The following KCNK10 variants were observed in gnomAD, a reference collection of about 807,000 sequenced individuals.
KCNK10 encodes potassium two pore domain channel subfamily K member 10.
Under a neutral mutation model 47.7 loss-of-function variants are expected in KCNK10, and 25 were observed. That is an observed-to-expected ratio of 0.52 (90% confidence interval 0.38 to 0.73). The LOEUF (loss-of-function observed/expected upper bound fraction) is 0.73. KCNK10 is among the 30% of genes least tolerant of loss of function. KCNK10 has a pLI of 0.00. For missense variants in KCNK10, 563 were observed against 714.5 expected, an observed-to-expected ratio of 0.79 and a Z score of 2.42; for synonymous variants, 303 against 285.6, an observed-to-expected ratio of 1.06 and a Z score of -0.61.
intron 1 of KCNK10, among the ~76,000 whole-genome samples, chr14:88,277,005 T>A (rs1887539106): frequency 6.6e-6 from 1 of 152,170 alleles, no homozygotes; most frequent in African/African-American, 2.4e-5. Context: ...GCATCAAAAG[T>A]GGGGTATCAT....
chr14:88,189,170 G>A (rs2139824022), intron 5 of KCNK10, among the ~76,000 whole-genome samples: 1 of 152,302 alleles, frequency 6.6e-6, no homozygotes, highest in East Asian at 1.9e-4. Context: ...AAAGGCAGCT[G>A]GGCAAGAAAT....
At chr14:88,301,574 G>T (rs532300690) in intron 1 of KCNK10, among the ~76,000 whole-genome samples, 1 of 151,214 alleles carries the variant, frequency 6.6e-6, no homozygotes, top group African/African-American at 2.4e-5. Context: ...ATTCTTGGAG[G>T]ACATGACATT....
At chr14:88,302,147 C>T (rs143450430) in intron 1 of KCNK10, among the ~76,000 whole-genome samples, 2 of 152,134 alleles carry the variant, frequency 1.3e-5, no homozygotes, top group Non-Finnish European at 2.9e-5. Context: ...GCAACATGCC[C>T]GTACTTTAAG....
chr14:88,297,336 T>G (rs985080655), intron 1 of KCNK10, among the ~76,000 whole-genome samples: 15 of 152,232 alleles, frequency 9.9e-5, no homozygotes, highest in African/African-American at 3.6e-4. Context: ...TTGTTGCCAC[T>G]AGGTTGGAGA....
At chr14:88,264,201 C>T (rs17124393) in intron 1 of KCNK10, among the ~76,000 whole-genome samples, 3,819 of 152,230 alleles carry the variant, frequency 0.025, 118 homozygotes, top group South Asian at 0.069. Flanking sequence ...TCCTGGTTTT[C>T]GAAGCACATA....
intron 1 of KCNK10, among the ~76,000 whole-genome samples, chr14:88,318,479 G>A (rs1381490998): frequency 1.3e-5 from 2 of 152,214 alleles, no homozygotes; most frequent in Non-Finnish European, 2.9e-5. Context: ...TGACACAAGA[G>A]AAAATGATGG....
At chr14:88,198,344 T>G (rs987881828) in intron 4 of KCNK10, among the ~76,000 whole-genome samples, 2 of 152,166 alleles carry the variant, frequency 1.3e-5, no homozygotes, top group African/African-American at 2.4e-5. Flanking sequence ...CCACATCAAC[T>G]GAGTAACTCC....
intron 4 of KCNK10, among the ~76,000 whole-genome samples, chr14:88,194,651 C>G (rs7145708): frequency 0.25 from 37,908 of 151,982 alleles, 5,355 homozygotes; most frequent in Non-Finnish European, 0.32. Flanking sequence ...GGAAGGACAG[C>G]GGTGGATTTG....
At chr14:88,203,165 T>C (rs980331177) in intron 4 of KCNK10, among the ~76,000 whole-genome samples, 7 of 152,164 alleles carry the variant, frequency 4.6e-5, no homozygotes, top group Admixed American at 3.9e-4. Flanking sequence ...AGGATGGTTC[T>C]TGCAGCAGCA....
chr14:88,275,491 T>C (rs1049234761), intron 1 of KCNK10, among the ~76,000 whole-genome samples: 9 of 152,064 alleles, frequency 5.9e-5, no homozygotes, highest in African/African-American at 2.2e-4. Context: ...CGGATGAGAA[T>C]TTGTTTGTGA....
At position 88,322,415 on chromosome 14, in the gene KCNK10, A is replaced by T. The variant is rs1429734541; in HGVS notation, c.52+332T>A. On this transcript the variant is annotated intron_variant, in intron 1 of 6. Coordinates refer to ENST00000319231, the MANE Select transcript of KCNK10 (RefSeq NM_138317.3). The surrounding 1 kb of genome is among the most constrained non-coding windows in gnomAD (Gnocchi z 4.8). ...AGATCACCAGAAACAAAGGACACAC[A>T]CACACACACACACACACACACACAC... 8.4e-5 allele frequency among the ~76,000 whole-genome samples: 3 copies of T among 35,740 alleles called. No homozygotes were observed. The highest frequency in any genetic ancestry group is 1.7e-4 in the African/African-American group (3 of 18,076). 23.4% of individuals were successfully genotyped at this position (35,740 alleles called of 152,430 possible).
chr14:88,218,059 A>G (rs1885680329), intron 4 of KCNK10, among the ~76,000 whole-genome samples: 1 of 151,032 alleles, frequency 6.6e-6, no homozygotes. Flanking sequence ...GGGTCTCACT[A>G]TGTTGCCCAG....
chr14:88,323,671 C>G (rs1431973137), upstream of KCNK10: 1 of 151,050 alleles, frequency 6.6e-6, no homozygotes, highest in African/African-American at 2.4e-5. Flanking sequence ...GGCGGGCGGG[C>G]GTGGAGGCGG....
chr14:88,310,193 C>CATATACCATATG (rs1888290010), intron 1 of KCNK10, among the ~76,000 whole-genome samples: 1 of 26,938 alleles, frequency 3.7e-5, no homozygotes, highest in Non-Finnish European at 1.4e-4. Context: ...TATACCATAT[C>CATATACCATATG]ATATGGTATA....
chr14:88,310,649 A>G (rs1566721650), intron 1 of KCNK10, among the ~76,000 whole-genome samples: 1 of 152,222 alleles, frequency 6.6e-6, no homozygotes, highest in African/African-American at 2.4e-5. Flanking sequence ...TCACCCTGCC[A>G]GAGAAAGGGA....
At chr14:88,191,340 A>AACACAC (rs56194944) in intron 5 of KCNK10, among the ~76,000 whole-genome samples, 33,999 of 149,968 alleles carry the variant, frequency 0.23, 4,201 homozygotes, top group Non-Finnish European at 0.29. Flanking sequence ...TGGTAAAGGA[A>AACACAC]ACACACACAC....
At chr14:88,287,677 GTGTGTGTGTGTGTGTGTGTGT>G (rs1887792740) in intron 1 of KCNK10, among the ~76,000 whole-genome samples, 1 of 36,902 alleles carries the variant, frequency 2.7e-5, no homozygotes, top group Non-Finnish European at 4.4e-5. Flanking sequence ...ATTCCATGGT[GTGTGTGTGTGTGTGTGTGTGT>G]GTGTGTGTGT....
intron 1 of KCNK10, among the ~76,000 whole-genome samples, chr14:88,306,285 T>C (rs1380416163): frequency 6.6e-6 from 1 of 152,184 alleles, no homozygotes; most frequent in East Asian, 1.9e-4. Flanking sequence ...AATTATCTGA[T>C]TCAGGGGCCA....
rs1887981113 is a variant in KCNK10 at position 88,296,208 on chromosome 14, T to C, written c.52+26539A>G. On this transcript the variant is annotated intron_variant, in intron 1 of 6. Transcript: ENST00000319231. ...TGCATGTTCTCAGATTTGGGGAAAC[T>C]GCATGGCACACTGGAAGTGGAGCAG... Among the ~76,000 whole-genome samples the C allele has an allele frequency of 4.6e-5, 7 of 152,192 alleles. No homozygotes were observed. The South Asian group carries it at 1.4e-3, about 32-fold the overall frequency.
Sources: gnomAD v4.1 joint callset for allele counts (sites outside exome capture counted in the v4.1 genomes callset) on GRCh38, gnomAD v4.1.1 for gene constraint, Gnocchi (gnomAD v3.1) non-coding constraint, MANE v1.5 for transcripts, NCBI Gene and HGNC (gene_info 2026-07-23, HGNC 2026-07-21) for gene names.